KLHL14: variants seen among roughly 807,000 people sequenced by gnomAD.
KLHL14 encodes the protein kelch-like protein 14.
Under a neutral mutation model 64.3 loss-of-function variants are expected in KLHL14, and 22 were observed. That is an observed-to-expected ratio of 0.34 (90% confidence interval 0.24 to 0.49). The LOEUF (loss-of-function observed/expected upper bound fraction) is 0.49, where lower values mean the gene tolerates loss of function less well. Ranked by LOEUF, KLHL14 falls within the 20% of genes least tolerant of loss-of-function variation. The pLI, the probability that KLHL14 is intolerant of heterozygous loss-of-function variation, is 0.99. For synonymous variants in KLHL14, 322 were observed against 333.4 expected (o/e 0.97, Z 0.37); for missense variants, 661 against 789.0 (o/e 0.84, Z 1.94).
At chr18:32,724,958 A>G (rs930569433) in intron 3 of KLHL14, among the ~76,000 whole-genome samples, 4 of 152,182 alleles carry the variant, frequency 2.6e-5, no homozygotes, top group Non-Finnish European at 5.9e-5. Context: ...TAAGTGCTCA[A>G]TTAAAATGTT....
In KLHL14 at chr18:32,772,948, G is replaced by T. The variant is rs1598585667; in HGVS notation, c.-325C>A. The T allele has an allele frequency of 6.1e-6, 1 of 165,088 alleles. No homozygotes were observed. Among genetic ancestry groups the T allele is most frequent in the East Asian group, 1.7e-4 (1 of 5,838 alleles). 10.2% of individuals were successfully genotyped at this position (165,088 alleles called of 1,614,324 possible). A position where few individuals can be genotyped will look rare whatever the true frequency, so the allele number is the denominator to read the frequency against. Reference sequence around the variant, plus strand: ...AAGAGAAGAAGAAGAAAAAATGTACGTGTGACAAATTATGCTACCAAGAAA... The same window carrying T: ...AAGAGAAGAAGAAGAAAAAATGTACTTGTGACAAATTATGCTACCAAGAAA... On this transcript the variant is annotated 5_prime_UTR_variant, in exon 1 of 9. Coordinates refer to ENST00000359358, the MANE Select transcript of KLHL14 (RefSeq NM_020805.3).
At chr18:32,739,118 T>C (rs1439468564) in intron 3 of KLHL14, among the ~76,000 whole-genome samples, 1 of 152,130 alleles carries the variant, frequency 6.6e-6, no homozygotes, top group Non-Finnish European at 1.5e-5. Flanking sequence ...TTAGTTTGCA[T>C]GGAGAAAGTC....
At chr18:32,710,798 G>A (rs1245924641) in intron 3 of KLHL14, among the ~76,000 whole-genome samples, 2 of 152,168 alleles carry the variant, frequency 1.3e-5, no homozygotes, top group African/African-American at 4.8e-5. Flanking sequence ...GAGGGGTTCA[G>A]GGAGGTCCCA....
intron 2 of KLHL14, among the ~76,000 whole-genome samples, chr18:32,748,437 T>C (rs1046265684): frequency 6.6e-6 from 1 of 152,100 alleles, no homozygotes; most frequent in Non-Finnish European, 1.5e-5. Context: ...TGGCGCCATC[T>C]CTGCTCACTG....
intron 2 of KLHL14, among the ~76,000 whole-genome samples, chr18:32,763,651 A>G (rs1420580392): frequency 6.6e-6 from 1 of 152,200 alleles, no homozygotes; most frequent in Non-Finnish European, 1.5e-5. Flanking sequence ...AGCTACTATT[A>G]TTATTGGCCA....
intron 2 of KLHL14, among the ~76,000 whole-genome samples, chr18:32,763,998 C>A (rs1450289869): frequency 2.0e-5 from 3 of 152,160 alleles, no homozygotes; most frequent in Non-Finnish European, 4.4e-5. Context: ...TCCAGTTGAT[C>A]CACTCATAAG....
At chr18:32,682,860 A>G (rs2049849472) in intron 5 of KLHL14, among the ~76,000 whole-genome samples, 1 of 152,228 alleles carries the variant, frequency 6.6e-6, no homozygotes, top group African/African-American at 2.4e-5. Flanking sequence ...AAGGTAGGTC[A>G]GTACACTTCT....
At chr18:32,714,783 G>A (rs1332637132) in intron 3 of KLHL14, among the ~76,000 whole-genome samples, 1 of 151,880 alleles carries the variant, frequency 6.6e-6, no homozygotes, top group African/African-American at 2.4e-5. Flanking sequence ...AAAACATCAA[G>A]AACTATGCTC....
intron 3 of KLHL14, among the ~76,000 whole-genome samples, chr18:32,713,351 C>T (rs1291240471): frequency 6.6e-6 from 1 of 152,206 alleles, no homozygotes; most frequent in Non-Finnish European, 1.5e-5. Context: ...ACCTAAGCCA[C>T]TGTCAACTCT....
chr18:32,746,898 A>G (rs1295927914), intron 2 of KLHL14, among the ~76,000 whole-genome samples: 1 of 152,234 alleles, frequency 6.6e-6, no homozygotes, highest in Non-Finnish European at 1.5e-5. Context: ...CTCGACTCTC[A>G]GAGATTATGA....
intron 2 of KLHL14, among the ~76,000 whole-genome samples, chr18:32,758,891 G>A (rs1265930929): frequency 1.3e-5 from 2 of 152,126 alleles, no homozygotes; most frequent in South Asian, 2.1e-4. Context: ...GCAAATCTCC[G>A]GTGACAGAAA....
chr18:32,746,247 G>T (rs2050223156), intron 2 of KLHL14, among the ~76,000 whole-genome samples: 1 of 152,178 alleles, frequency 6.6e-6, no homozygotes, highest in Admixed American at 6.5e-5. Flanking sequence ...AATAATATTT[G>T]AATGTCTTTG....
At chr18:32,746,923 T>C (rs937718714) in intron 2 of KLHL14, among the ~76,000 whole-genome samples, 2 of 152,194 alleles carry the variant, frequency 1.3e-5, no homozygotes. Context: ...ATAGGATGAG[T>C]CTTAAAAAAT....
chr18:32,758,991 T>G (rs1002952201), intron 2 of KLHL14, among the ~76,000 whole-genome samples: 1 of 152,136 alleles, frequency 6.6e-6, no homozygotes, highest in Admixed American at 6.5e-5. Context: ...TATGGGTTTT[T>G]GGGGGAGGGA....
chr18:32,687,185 C>T lies in KLHL14; in HGVS notation c.1208G>A (p.Ser403Asn). 1 of 1,613,964 alleles carries T rather than the reference C, an allele frequency of 6.2e-7. No homozygotes were observed. Among genetic ancestry groups the T allele is most frequent in the East Asian group, 2.2e-5 (1 of 44,868 alleles). Residue 403 changes from serine to asparagine, a missense_variant, in exon 5 of 9, where the codon AGC (serine) becomes AAC (asparagine). Transcript: ENST00000359358. ...FVSRYDPRFNSWIQLPPMQER... is the reference protein window; with the variant it reads ...FVSRYDPRFNNWIQLPPMQER... ...CTGCATGGGTGGAAGTTGAATCCAGCTATTAAATCGAGGATCATATCGGCT... is the reference window on the plus strand; with the variant it reads ...CTGCATGGGTGGAAGTTGAATCCAGTTATTAAATCGAGGATCATATCGGCT...
intron 3 of KLHL14, among the ~76,000 whole-genome samples, chr18:32,708,587 C>T (rs567774071): frequency 1.3e-5 from 2 of 152,182 alleles, no homozygotes; most frequent in African/African-American, 4.8e-5. Context: ...TCATCCTGCT[C>T]TCCCTTCTAG....
chr18:32,756,459 C>T (rs1355621529), intron 2 of KLHL14, among the ~76,000 whole-genome samples: 6 of 151,982 alleles, frequency 3.9e-5, no homozygotes, highest in Non-Finnish European at 5.9e-5. Context: ...AAAAACCTTT[C>T]TAAGGTGAGA....
At chr18:32,746,180 G>A (rs779494174) in intron 2 of KLHL14, among the ~76,000 whole-genome samples, 2 of 152,104 alleles carry the variant, frequency 1.3e-5, no homozygotes, top group Non-Finnish European at 2.9e-5. Flanking sequence ...ACCAAAGTAC[G>A]TATTGAAAGA....
chr18:32,746,636 CT>C (rs1483239219), intron 2 of KLHL14, among the ~76,000 whole-genome samples: 2 of 152,156 alleles, frequency 1.3e-5, no homozygotes, highest in Non-Finnish European at 2.9e-5. Context: ...AACTTTTAAC[CT>C]ATTTAGAAAT....
Sources: gnomAD v4.1 joint callset for allele counts (sites outside exome capture counted in the v4.1 genomes callset) on GRCh38, gnomAD v4.1.1 for gene constraint, MANE v1.5 for transcripts, NCBI Gene and HGNC (gene_info 2026-07-23, HGNC 2026-07-21) for gene names.